The following NRG1 variants were observed in gnomAD, a reference collection of about 807,000 sequenced individuals.
NRG1 encodes pro-neuregulin-1, membrane-bound isoform.
In NRG1, 18 loss-of-function variants were observed where a neutral mutation model predicts 63.8. The observed-to-expected ratio is 0.28, with a 90% CI of 0.19 to 0.42. The LOEUF is 0.42. Ranked by LOEUF, NRG1 falls within the 10% of genes least tolerant of loss-of-function variation. NRG1 has a pLI of 1.00. For synonymous variants in NRG1, 302 were observed against 301.3 expected, an observed-to-expected ratio of 1.00 and a Z score of -0.02; for missense variants, 762 against 814.7, an observed-to-expected ratio of 0.94 and a Z score of 0.79.
intron 1 of NRG1, among the ~76,000 whole-genome samples, chr8:31,868,543 T>A (rs1166181370): frequency 1.3e-5 from 2 of 152,212 alleles, no homozygotes; most frequent in African/African-American, 4.8e-5. Flanking sequence ...CTTATTGCCC[T>A]ACACAGACAT....
In NRG1 at chr8:32,338,512, G is replaced by A. The variant is rs551337501; in HGVS notation, c.38-257316G>A. 3.3e-5 allele frequency among the ~76,000 whole-genome samples: 5 copies of A among 152,194 alleles called. No homozygotes were observed. The South Asian group carries it at 1.0e-3, about 32-fold the overall frequency. On this transcript the variant is annotated intron_variant, in intron 1 of 10. Coordinates refer to the NRG1 transcript ENST00000519301. ...AGCCTTCAAAATGTCTGTACGCTAG[G>A]AGAATGGTGAAAAACAAGCAGTCAA...
At chr8:31,927,016 A>AT (rs201912773) in intron 1 of NRG1, among the ~76,000 whole-genome samples, 2,275 of 151,962 alleles carry the variant, frequency 0.015, 45 homozygotes, top group African/African-American at 0.052. Context: ...CATTTTTCTG[A>AT]TTTTTTTTAG....
intron 1 of NRG1, among the ~76,000 whole-genome samples, chr8:31,726,327 TA>T (rs377430210): frequency 1.3e-5 from 2 of 152,166 alleles, no homozygotes; most frequent in Non-Finnish European, 2.9e-5. Flanking sequence ...TGTACAAATG[TA>T]AAAAACATGT....
chr8:32,059,596 G>A (rs959909248), intron 1 of NRG1, among the ~76,000 whole-genome samples: 31 of 151,884 alleles, frequency 2.0e-4, no homozygotes, highest in African/African-American at 7.5e-4. Flanking sequence ...TTTTCCTTTC[G>A]AAATTTGAAA....
At chr8:32,242,927 A>G (rs1055894332) in intron 1 of NRG1, among the ~76,000 whole-genome samples, 2 of 152,182 alleles carry the variant, frequency 1.3e-5, no homozygotes, top group Admixed American at 1.3e-4. Flanking sequence ...AACAACAGAA[A>G]TGCATTGTTT....
chr8:31,934,270 C>G (rs1426291200), intron 1 of NRG1, among the ~76,000 whole-genome samples: 1 of 151,682 alleles, frequency 6.6e-6, no homozygotes, highest in Non-Finnish European at 1.5e-5. Flanking sequence ...GAGAAAGGAG[C>G]TTATTACAAA....
intron 1 of NRG1, among the ~76,000 whole-genome samples, chr8:31,737,795 T>G (rs1267524664): frequency 1.3e-5 from 2 of 152,094 alleles, no homozygotes; most frequent in Admixed American, 6.6e-5. Context: ...CCCTAAGATT[T>G]GACAAGAAAG....
chr8:32,491,557 C>T (rs902480603), intron 1 of NRG1, among the ~76,000 whole-genome samples: 6 of 152,156 alleles, frequency 3.9e-5, no homozygotes, highest in Admixed American at 6.5e-5. Flanking sequence ...CTTCAGTTAA[C>T]CCTATGTTAT....
chr8:32,654,689 G>A (rs1363075025), intron 5 of NRG1, among the ~76,000 whole-genome samples: 1 of 78,992 alleles, frequency 1.3e-5, no homozygotes, highest in Non-Finnish European at 2.9e-5. Context: ...TCCGGAGGCT[G>A]GACATCTGTC....
At chr8:31,748,157 C>A (rs1328120137) in intron 1 of NRG1, among the ~76,000 whole-genome samples, 1 of 151,950 alleles carries the variant, frequency 6.6e-6, no homozygotes, top group Non-Finnish European at 1.5e-5. Context: ...TGTCAACATT[C>A]TTTTCATACT....
At chr8:31,845,615 T>C (rs973245241) in intron 1 of NRG1, among the ~76,000 whole-genome samples, 1 of 152,188 alleles carries the variant, frequency 6.6e-6, no homozygotes, top group South Asian at 2.1e-4. Flanking sequence ...CGTTTTTTTT[T>C]ACATAAAAGT....
chr8:32,219,459 A>G (rs897330439), intron 1 of NRG1, among the ~76,000 whole-genome samples: 3 of 152,128 alleles, frequency 2.0e-5, no homozygotes, highest in African/African-American at 7.2e-5. Context: ...AATCACTGTC[A>G]TTTCTATGCT....
intron 1 of NRG1, among the ~76,000 whole-genome samples, chr8:31,724,439 G>C (rs1247984983): frequency 6.6e-6 from 1 of 152,136 alleles, no homozygotes; most frequent in Non-Finnish European, 1.5e-5. Context: ...GAGCTGAAGA[G>C]AGAAACTTGT....
chr8:31,765,109 G>A (rs1224253714), intron 1 of NRG1, among the ~76,000 whole-genome samples: 1 of 151,932 alleles, frequency 6.6e-6, no homozygotes, highest in Non-Finnish European at 1.5e-5. Context: ...AAGTGTTACT[G>A]TTTTCAATTT....
chr8:32,470,314 G>C (rs6468106), intron 1 of NRG1, among the ~76,000 whole-genome samples: 93,681 of 150,894 alleles, frequency 0.62, 29,299 homozygotes, highest in East Asian at 0.8. Context: ...CAGAGTAGCT[G>C]GGACTACAGG....
intron 1 of NRG1, among the ~76,000 whole-genome samples, chr8:32,231,722 A>T (rs2132593984): frequency 6.6e-6 from 1 of 151,928 alleles, no homozygotes; most frequent in Non-Finnish European, 1.5e-5. Flanking sequence ...CCAATATGGT[A>T]AACTCCTTCT....
At chr8:32,430,302 G>T (rs1464351705) in intron 1 of NRG1, among the ~76,000 whole-genome samples, 2 of 152,126 alleles carry the variant, frequency 1.3e-5, no homozygotes, top group Admixed American at 1.3e-4. Flanking sequence ...ATAAAACAGG[G>T]AATGTTATAA....
chr8:32,014,362 T>C (rs927729934), intron 1 of NRG1, among the ~76,000 whole-genome samples: 1 of 152,112 alleles, frequency 6.6e-6, no homozygotes, highest in Non-Finnish European at 1.5e-5. Flanking sequence ...TGTCTCTTAT[T>C]GGTATATAGG....
At chr8:31,674,204 C>T (rs1807445746) in intron 1 of NRG1, among the ~76,000 whole-genome samples, 3 of 152,130 alleles carry the variant, frequency 2.0e-5, no homozygotes, top group Admixed American at 2.0e-4. Context: ...ATTGTTTCCA[C>T]TTTTTGACTA....
Sources: allele counts gnomAD v4.1 joint callset (sites outside exome capture counted in the v4.1 genomes callset), GRCh38; gene constraint gnomAD v4.1.1; transcripts MANE v1.5; gene names NCBI Gene and HGNC (gene_info 2026-07-23, HGNC 2026-07-21).